PCDHA5: variants seen among roughly 807,000 people sequenced by gnomAD.
PCDHA5 encodes the protein protocadherin alpha-5.
In PCDHA5, 43 loss-of-function variants were observed where a neutral mutation model predicts 61.6. The ratio of observed to expected loss-of-function variants is 0.70; its 90% CI spans 0.55 to 0.90. PCDHA5 has a LOEUF of 0.90. Ranked by LOEUF, PCDHA5 falls within the 40% of genes least tolerant of loss-of-function variation. The probability of loss-of-function intolerance (pLI) is 0.00; values close to 1 mark genes in which losing one functional copy is unlikely to be tolerated. For missense variants in PCDHA5, 1,298 were observed against 1,222.7 expected, an observed-to-expected ratio of 1.06 and a Z score of -0.92; for synonymous variants, 627 against 543.9, an observed-to-expected ratio of 1.15 and a Z score of -2.13.
chr5:140,999,372 G>A (rs1029178969), intron 3 of PCDHA5, among the ~76,000 whole-genome samples: 3 of 152,188 alleles, frequency 2.0e-5, no homozygotes, highest in Non-Finnish European at 1.5e-5. Context: ...AATCCCATTA[G>A]ATGGTTATTG....
intron 1 of PCDHA5, chr5:140,829,180 T>C: frequency 1.2e-6 from 2 of 1,614,192 alleles, no homozygotes; most frequent in Non-Finnish European, 1.7e-6. Flanking sequence ...GTGAAGACGC[T>C]CAATTTGGTA....
intron 1 of PCDHA5, among the ~76,000 whole-genome samples, chr5:140,937,039 CTTT>C (rs34994034): frequency 1.4e-5 from 2 of 140,152 alleles, no homozygotes; most frequent in African/African-American, 5.3e-5. Flanking sequence ...TTCCATTTAT[CTTT>C]TTTTTTTTTT....
At chr5:140,903,229 T>C (rs2153479721) in intron 1 of PCDHA5, among the ~76,000 whole-genome samples, 1 of 152,340 alleles carries the variant, frequency 6.6e-6, no homozygotes, top group South Asian at 2.1e-4. Flanking sequence ...CATCTATTAC[T>C]TTTTGATTTT....
At chr5:140,833,431 G>A (rs1035450581) in intron 1 of PCDHA5, among the ~76,000 whole-genome samples, 12 of 152,150 alleles carry the variant, frequency 7.9e-5, no homozygotes, top group African/African-American at 2.9e-4. Context: ...AGATGGCTGA[G>A]CACTGAAATT....
intron 1 of PCDHA5, chr5:140,870,001 G>C (rs782788057): frequency 1.2e-6 from 2 of 1,613,448 alleles, no homozygotes; most frequent in African/African-American, 1.3e-5. Context: ...AAATAATGGA[G>C]AAGTGAGGGT....
At chr5:140,850,747 C>T (rs2041801676) in intron 1 of PCDHA5, 3 of 1,597,716 alleles carry the variant, frequency 1.9e-6, no homozygotes, top group Non-Finnish European at 2.6e-6. Flanking sequence ...TGGTCGTACT[C>T]GCAGCAGAGG....
At chr5:140,912,220 C>T (rs1360868463) in intron 1 of PCDHA5, among the ~76,000 whole-genome samples, 1 of 151,800 alleles carries the variant, frequency 6.6e-6, no homozygotes, top group African/African-American at 2.4e-5. Flanking sequence ...ATCTGCCTTT[C>T]CCAGTCCACT....
At chr5:140,832,345 G>T (rs2150201218) in intron 1 of PCDHA5, among the ~76,000 whole-genome samples, 1,544 of 152,284 alleles carry the variant, frequency 0.01, 30 homozygotes, top group African/African-American at 0.036. Context: ...GTTGTGGTTT[G>T]TGTTTCCTAA....
At chr5:140,997,697 T>C (rs2153948518) in intron 3 of PCDHA5, among the ~76,000 whole-genome samples, 1 of 151,394 alleles carries the variant, frequency 6.6e-6, no homozygotes. Flanking sequence ...TGTGTGTGTG[T>C]ATGTTAACAA....
intron 1 of PCDHA5, chr5:140,867,037 T>C (rs1167495486): frequency 2.0e-5 from 3 of 152,162 alleles, no homozygotes; most frequent in African/African-American, 7.2e-5. Flanking sequence ...CTTTTATGAC[T>C]TGGCGTTTGT....
At chr5:140,986,246 C>G (rs561365390) in intron 3 of PCDHA5, among the ~76,000 whole-genome samples, 1 of 152,296 alleles carries the variant, frequency 6.6e-6, no homozygotes, top group South Asian at 2.1e-4. Flanking sequence ...TGAGCAGACC[C>G]GGACCACAGG....
At chr5:140,966,543 A>T (rs200134570) in intron 1 of PCDHA5, 4 of 461,074 alleles carry the variant, frequency 8.7e-6, no homozygotes, top group Non-Finnish European at 1.5e-5. Context: ...AGCGACTCGG[A>T]GGCGAGCGGA....
At chr5:140,829,655 C>T (rs1581885060) in intron 1 of PCDHA5, 2 of 1,612,510 alleles carry the variant, frequency 1.2e-6, no homozygotes, top group Non-Finnish European at 8.5e-7. Flanking sequence ...CGCGCTGCAG[C>T]CGCTGGACCA....
Position 140,835,306 on chromosome 5 carries a change from T to C in PCDHA5, c.2352+11179T>C, listed in dbSNP as rs2150233599. 44 of 1,612,968 alleles carry C rather than the reference T, an allele frequency of 2.7e-5. No individual in the cohort carries two copies. The South Asian group carries it at 4.5e-4, about 17-fold the overall frequency. The stretch of plus-strand genomic sequence containing the variant: ...GGGGCAATCACAGTGATAGGACATA[T>C]GGATTTTGAAGAAAGTAGAGCACAC... On this transcript the variant is annotated intron_variant, in intron 1 of 3. Transcript: ENST00000529859.
chr5:140,898,067 T>C (rs2066506598), intron 1 of PCDHA5, among the ~76,000 whole-genome samples: 1 of 152,122 alleles, frequency 6.6e-6, no homozygotes, highest in Admixed American at 6.5e-5. Context: ...TTGTTTGAGT[T>C]CATTGTAGAT....
chr5:140,883,339 C>T (rs142984869), intron 1 of PCDHA5: 2 of 1,614,172 alleles, frequency 1.2e-6, no homozygotes, highest in Admixed American at 3.3e-5. Flanking sequence ...CTTTGTCACT[C>T]CCCATCAGAG....
chr5:140,833,968 A>T (rs1772743060), intron 1 of PCDHA5, among the ~76,000 whole-genome samples: 1 of 152,214 alleles, frequency 6.6e-6, no homozygotes, highest in African/African-American at 2.4e-5. Context: ...ACTGTGTGAA[A>T]AAAAAGTTTT....
chr5:140,856,497 G>T (rs782069130), intron 1 of PCDHA5: 1 of 1,598,346 alleles, frequency 6.3e-7, no homozygotes. Flanking sequence ...CTTGACTCTC[G>T]ATTTCCACTA....
chr5:140,827,884 A>G (rs1769440863), intron 1 of PCDHA5: 1 of 684,502 alleles, frequency 1.5e-6, no homozygotes. Flanking sequence ...ACGTGAATTG[A>G]TTTCTTACCT....
Sources: gnomAD v4.1 joint callset for allele counts (sites outside exome capture counted in the v4.1 genomes callset) on GRCh38, gnomAD v4.1.1 for gene constraint, MANE v1.5 for transcripts, NCBI Gene and HGNC (gene_info 2026-07-23, HGNC 2026-07-21) for gene names.